RUNX1T1: variants seen among roughly 807,000 people sequenced by gnomAD.
RUNX1T1 encodes protein CBFA2T1.
A neutral mutation model predicts 62.8 loss-of-function variants in RUNX1T1; 4 were observed. The observed-to-expected ratio is 0.06, with a 90% CI of 0.03 to 0.15. RUNX1T1 has a LOEUF of 0.15. Among genes scored for constraint, RUNX1T1 ranks in the 10% least tolerant of loss-of-function variants. The pLI is 1.00. For missense variants in RUNX1T1, 508 were observed against 754.3 expected (o/e 0.67, Z 3.82); for synonymous variants, 291 against 286.0 (o/e 1.02, Z -0.18).
chr8:92,047,341 T>C (rs1464437923), intron 1 of RUNX1T1, among the ~76,000 whole-genome samples: 1 of 152,114 alleles, frequency 6.6e-6, no homozygotes, highest in Non-Finnish European at 1.5e-5. Context: ...AAGAGGTGCA[T>C]TTCAATTACC....
intron 4 of RUNX1T1, chr8:92,006,011 C>A (rs983293377): frequency 6.6e-6 from 1 of 152,148 alleles, no homozygotes; most frequent in African/African-American, 2.4e-5. Context: ...CACACACACA[C>A]ACATATTTCT....
chr8:92,076,669 C>T (rs1173652808), intron 1 of RUNX1T1, among the ~76,000 whole-genome samples: 1 of 151,916 alleles, frequency 6.6e-6, no homozygotes, highest in Non-Finnish European at 1.5e-5. Context: ...AAGAATAATC[C>T]TTATGTAATA....
At chr8:91,976,179 T>TG (rs1813903039) in intron 8 of RUNX1T1, 2 of 526,084 alleles carry the variant, frequency 3.8e-6, no homozygotes, top group Non-Finnish European at 6.9e-6. Context: ...AGAGGGTCAT[T>TG]GGTCTAAATG....
At chr8:92,082,234 G>A (rs1389350070) in intron 1 of RUNX1T1, among the ~76,000 whole-genome samples, 1 of 152,170 alleles carries the variant, frequency 6.6e-6, no homozygotes, top group Non-Finnish European at 1.5e-5. Flanking sequence ...TAAGTGCAGT[G>A]AAAGGTTTTG....
chr8:92,005,997 C>CA (rs1340380697), intron 4 of RUNX1T1: 1 of 151,948 alleles, frequency 6.6e-6, no homozygotes, highest in East Asian at 1.9e-4. Context: ...CACACACACA[C>CA]ACACACACAC....
intron 4 of RUNX1T1, chr8:92,006,066 C>A (rs1178257014): frequency 6.6e-6 from 1 of 151,830 alleles, no homozygotes; most frequent in Non-Finnish European, 1.5e-5. Flanking sequence ...TCTTCCTCCT[C>A]AGCTAGGTCA....
intron 2 of RUNX1T1, among the ~76,000 whole-genome samples, chr8:92,016,359 A>T (rs1822989968): frequency 6.6e-6 from 1 of 152,182 alleles, no homozygotes; most frequent in Non-Finnish European, 1.5e-5. Context: ...GTAAAGTTTT[A>T]ATAAGAGTCT....
chr8:92,061,356 C>T (rs1832003565), intron 1 of RUNX1T1, among the ~76,000 whole-genome samples: 1 of 151,990 alleles, frequency 6.6e-6, no homozygotes, highest in African/African-American at 2.4e-5. Flanking sequence ...TATTATATAC[C>T]CAGGGCACAT....
chr8:91,990,247 C>A (rs1419576497), intron 6 of RUNX1T1, among the ~76,000 whole-genome samples: 1 of 152,218 alleles, frequency 6.6e-6, no homozygotes, highest in African/African-American at 2.4e-5. Context: ...TGGCTGCATT[C>A]CCCAGAATTC....
intron 1 of RUNX1T1, among the ~76,000 whole-genome samples, chr8:92,039,073 C>G (rs1465488305): frequency 6.6e-6 from 1 of 152,120 alleles, no homozygotes; most frequent in East Asian, 1.9e-4. Context: ...CAAAAAAGTT[C>G]CAACAAAAGG....
At chr8:92,071,025 C>T (rs1833593858) in intron 2 of RUNX1T1, among the ~76,000 whole-genome samples, 2 of 152,178 alleles carry the variant, frequency 1.3e-5, no homozygotes. Flanking sequence ...TGGGATCTCC[C>T]AAATGGCTCC....
At chr8:91,967,641 T>G (rs978779222) in intron 10 of RUNX1T1, among the ~76,000 whole-genome samples, 1 of 152,052 alleles carries the variant, frequency 6.6e-6, no homozygotes, top group Non-Finnish European at 1.5e-5. Flanking sequence ...GTATCTAGAG[T>G]TAACACAAAT....
chr8:91,970,910 A>T, intron 9 of RUNX1T1, 62 bp from the exon 11 acceptor site: 7 of 1,342,192 alleles, frequency 5.2e-6, no homozygotes, highest in Non-Finnish European at 6.9e-6. Flanking sequence ...AAGTCATTGG[A>T]TACGGATTAC....
intron 1 of RUNX1T1, among the ~76,000 whole-genome samples, chr8:92,054,732 C>T (rs767110970): frequency 7.2e-5 from 11 of 152,070 alleles, no homozygotes; most frequent in Non-Finnish European, 1.2e-4. Flanking sequence ...CCAGGCGCGG[C>T]GGCTCATGCC....
exon 10 of RUNX1T1, chr8:91,970,700 C>T: frequency 6.2e-7 from 1 of 1,612,922 alleles, no homozygotes; most frequent in Non-Finnish European, 8.5e-7. Flanking sequence ...CCAGTGCGTC[C>T]TCCGCCGCCT....
At chr8:92,035,606 AAT>A (rs1245746724) in intron 1 of RUNX1T1, among the ~76,000 whole-genome samples, 1 of 152,138 alleles carries the variant, frequency 6.6e-6, no homozygotes, top group African/African-American at 2.4e-5. Context: ...ATCATTTCTT[AAT>A]AGAGTTTCTA....
intron 1 of RUNX1T1, chr8:92,095,274 C>T: frequency 1.3e-6 from 2 of 1,516,860 alleles, no homozygotes; most frequent in Non-Finnish European, 1.8e-6. Context: ...AAGCCGCCTC[C>T]CCACGCCCCC....
At chr8:92,031,878 G>A (rs1826293200) in intron 1 of RUNX1T1, among the ~76,000 whole-genome samples, 1 of 151,760 alleles carries the variant, frequency 6.6e-6, no homozygotes, top group African/African-American at 2.4e-5. Context: ...GGTCACTTGA[G>A]CCCGGGAGTT....
At chr8:91,958,728 C>CA (rs34044770), downstream of RUNX1T1, 261 of 130,066 alleles carry the variant, frequency 2.0e-3, no homozygotes, top group Middle Eastern at 9.7e-3. Context: ...AGAATTTGCT[C>CA]AAAAAAAAAA....
Sources: gnomAD v4.1 joint callset for allele counts (sites outside exome capture counted in the v4.1 genomes callset) on GRCh38, gnomAD v4.1.1 for gene constraint, MANE v1.5 for transcripts, NCBI Gene and HGNC (gene_info 2026-07-23, HGNC 2026-07-21) for gene names.